Variants in TBL1X observed in about 807,000 individuals in gnomAD.
TBL1X encodes the protein transducin beta like 1 X-linked.
In TBL1X, 10 loss-of-function variants were observed where a neutral mutation model predicts 50.7. The ratio of observed to expected loss-of-function variants is 0.20; its 90% CI spans 0.12 to 0.33. TBL1X has a LOEUF of 0.33. Ranked by LOEUF, TBL1X falls within the 10% of genes least tolerant of loss-of-function variation. The pLI, the probability that TBL1X is intolerant of heterozygous loss-of-function variation, is 1.00. For missense variants in TBL1X, 340 were observed against 504.4 expected (o/e 0.67, Z 3.12); for synonymous variants, 190 against 214.7 (o/e 0.88, Z 1.01).
chrX:9,639,067 G>A (rs1359821336), intron 2 of TBL1X, among the ~76,000 whole-genome samples: 1 of 111,142 alleles, frequency 9.0e-6, no homozygotes, highest in Non-Finnish European at 1.9e-5. Flanking sequence ...TTTACAAATT[G>A]CCCTGGTTAT....
At chrX:9,539,724 C>A (rs1010609595) in intron 2 of TBL1X, among the ~76,000 whole-genome samples, 1 of 112,281 alleles carries the variant, frequency 8.9e-6, no homozygotes, top group Non-Finnish European at 1.9e-5. Flanking sequence ...CCACGTCATC[C>A]TCGTCTTTGT....
At chrX:9,665,186 A>G (rs1313270161) in intron 5 of TBL1X, among the ~76,000 whole-genome samples, 2 of 108,607 alleles carry the variant, frequency 1.8e-5, no homozygotes, top group South Asian at 4.1e-4. Context: ...AAAATTTTGC[A>G]GGTATTTTTT....
At chrX:9,580,757 T>G (rs1346941058) in intron 2 of TBL1X, among the ~76,000 whole-genome samples, 1 of 111,485 alleles carries the variant, frequency 9.0e-6, no homozygotes, top group Non-Finnish European at 1.9e-5. Flanking sequence ...AAAATTTTTT[T>G]GATAGGCCAT....
chrX:9,598,914 T>TTTGTTTTGTTTTGTTTTG (rs34271598), intron 2 of TBL1X, among the ~76,000 whole-genome samples: 3 of 98,342 alleles, frequency 3.1e-5, no homozygotes, highest in African/African-American at 7.8e-5. Context: ...CTACCTTTTT[T>TTTGTTTTGTTTTGTTTTG]TTTTGTTTTG....
At chrX:9,627,844 C>T (rs961788024) in intron 2 of TBL1X, among the ~76,000 whole-genome samples, 4 of 112,395 alleles carry the variant, frequency 3.6e-5, no homozygotes, top group African/African-American at 1.3e-4. Flanking sequence ...CACTTACACT[C>T]TTCAGAAAGC....
chrX:9,528,396 C>G (rs2082142796), intron 2 of TBL1X, among the ~76,000 whole-genome samples: 1 of 111,129 alleles, frequency 9.0e-6, no homozygotes. Context: ...ACTTCACTTC[C>G]CATTTGAAGA....
At chrX:9,517,856 A>G (rs998421108) in intron 2 of TBL1X, among the ~76,000 whole-genome samples, 1 of 111,981 alleles carries the variant, frequency 8.9e-6, no homozygotes, top group East Asian at 2.8e-4. Context: ...TGTAATCCCA[A>G]CACTTTGGGA....
chrX:9,527,893 C>T (rs1037110365), intron 2 of TBL1X, among the ~76,000 whole-genome samples: 6 of 110,880 alleles, frequency 5.4e-5, no homozygotes, highest in African/African-American at 2.0e-4. Flanking sequence ...TAACGATCCT[C>T]CCATGTCAGC....
chrX:9,506,659 C>T (rs755024991), intron 2 of TBL1X, among the ~76,000 whole-genome samples: 16 of 112,047 alleles, frequency 1.4e-4, no homozygotes, highest in Middle Eastern at 9.3e-3. Context: ...CTATAAACAC[C>T]TCTATGCAAA....
At chrX:9,611,264 G>A (rs1195755948) in intron 2 of TBL1X, among the ~76,000 whole-genome samples, 5 of 112,265 alleles carry the variant, frequency 4.5e-5, no homozygotes, top group Non-Finnish European at 9.4e-5. Context: ...CAAACAGAAC[G>A]GATATTCTCC....
chrX:9,564,151 G>A (rs1194340766), intron 2 of TBL1X, among the ~76,000 whole-genome samples: 1 of 112,532 alleles, frequency 8.9e-6, no homozygotes, highest in Admixed American at 9.4e-5. Flanking sequence ...CGGGCGTGGT[G>A]GCTCATGCCT....
rs757466880 is a variant in TBL1X at position 9,491,306 on chromosome X, TTATATATA to T, written c.-200-10448_-200-10441del. On this transcript the variant is annotated intron_variant, in intron 1 of 17. Coordinates refer to ENST00000645353, the MANE Select transcript of TBL1X (RefSeq NM_005647.4). ...GCATCACCGCACTTGGCCAGTATAT[TTATATATA>T]TATATATATATATATATATATATAT... Among the ~76,000 whole-genome samples the T allele has an allele frequency of 4.3e-3, 225 of 51,876 alleles. 2 individuals carry two copies. The highest frequency in any genetic ancestry group is 0.016 in the African/African-American group (203 of 12,792). 45.0% of individuals were successfully genotyped at this position (51,876 alleles called of 115,157 possible). A position where few individuals can be genotyped will look rare whatever the true frequency, so the allele number is the denominator to read the frequency against.
chrX:9,546,881 C>G (rs1461508499), intron 2 of TBL1X, among the ~76,000 whole-genome samples: 1 of 86,513 alleles, frequency 1.2e-5, no homozygotes, highest in African/African-American at 4.5e-5. Flanking sequence ...TGCAGTGGCG[C>G]GATCTCGGCT....
chrX:9,549,091 T>C (rs989241677), intron 2 of TBL1X, among the ~76,000 whole-genome samples: 4 of 112,926 alleles, frequency 3.5e-5, no homozygotes, highest in African/African-American at 1.3e-4. Flanking sequence ...AGAAAGTGCA[T>C]TGCACTAAGG....
At chrX:9,649,206 T>C (rs1304375639) in intron 3 of TBL1X, among the ~76,000 whole-genome samples, 1 of 112,275 alleles carries the variant, frequency 8.9e-6, no homozygotes, top group East Asian at 2.8e-4. Flanking sequence ...AGAATATATA[T>C]GTAGATTCTA....
chrX:9,539,413 A>G (rs1212969427), intron 2 of TBL1X, among the ~76,000 whole-genome samples: 1 of 111,555 alleles, frequency 9.0e-6, no homozygotes, highest in Non-Finnish European at 1.9e-5. Flanking sequence ...ATGAGATTAC[A>G]TAGGCAAAAT....
intron 2 of TBL1X, among the ~76,000 whole-genome samples, chrX:9,514,227 G>T (rs759834547): frequency 9.0e-6 from 1 of 111,662 alleles, no homozygotes; most frequent in Non-Finnish European, 1.9e-5. Context: ...TAGTTCACTT[G>T]CTTATTGTGT....
intron 1 of TBL1X, among the ~76,000 whole-genome samples, chrX:9,470,718 T>C (rs2081809121): frequency 9.0e-6 from 1 of 111,297 alleles, no homozygotes; most frequent in Non-Finnish European, 1.9e-5. Flanking sequence ...CACTGCAACC[T>C]CCGCTTCCCG....
At chrX:9,570,268 C>G (rs2082378037) in intron 2 of TBL1X, among the ~76,000 whole-genome samples, 1 of 112,068 alleles carries the variant, frequency 8.9e-6, no homozygotes. Flanking sequence ...AACACACATG[C>G]ATATGGAGTG....
Sources: gnomAD v4.1 joint callset for allele counts (sites outside exome capture counted in the v4.1 genomes callset) on GRCh38, gnomAD v4.1.1 for gene constraint, MANE v1.5 for transcripts, NCBI Gene and HGNC (gene_info 2026-07-23, HGNC 2026-07-21) for gene names.